The following TBC1D15 variants were observed in gnomAD, a reference collection of about 807,000 sequenced individuals.
The protein encoded by TBC1D15 is TBC1 domain family member 15.
Under a neutral mutation model 95.4 loss-of-function variants are expected in TBC1D15, and 39 were observed. The ratio of observed to expected loss-of-function variants is 0.41; its 90% CI spans 0.32 to 0.53. The LOEUF is 0.53. Ranked by LOEUF, TBC1D15 falls within the 20% of genes least tolerant of loss-of-function variation. TBC1D15 has a pLI of 0.29. For synonymous variants in TBC1D15, 258 were observed against 261.3 expected (o/e 0.99, Z 0.12); for missense variants, 733 against 794.3 (o/e 0.92, Z 0.93).
intron 16 of TBC1D15, among the ~76,000 whole-genome samples, chr12:71,922,416 G>T (rs1298498697): frequency 6.6e-6 from 1 of 151,610 alleles, no homozygotes; most frequent in Non-Finnish European, 1.5e-5. Flanking sequence ...GATACTTCAA[G>T]TTCTAGGGTA....
At position 71,872,069 on chromosome 12, in the gene TBC1D15, G is replaced by T; in HGVS notation, c.31-1G>T. 6.9e-7 allele frequency: 1 copy of T among 1,447,722 alleles called. No homozygotes were observed. 89.7% of individuals were successfully genotyped at this position (1,447,722 alleles called of 1,614,324 possible). On this transcript the variant is annotated splice_acceptor_variant, in intron 1 of 16. Coordinates refer to ENST00000485960, the MANE Select transcript of TBC1D15 (RefSeq NM_001146213.3). LOFTEE classifies it high-confidence loss of function. ...GACTAACTTTATTTTTGCTGTTTTA[G>T]ATTATATATGAACAAGAAGGAGTAT... is the stretch of plus-strand genomic sequence containing the variant.
chr12:71,882,421 C>G (rs1373768662), intron 4 of TBC1D15, among the ~76,000 whole-genome samples: 1 of 152,130 alleles, frequency 6.6e-6, no homozygotes, highest in African/African-American at 2.4e-5. Context: ...CTGAACTGTT[C>G]TGCTCTTACA....
chr12:71,912,949 A>G (rs1173917711), intron 11 of TBC1D15, among the ~76,000 whole-genome samples: 1 of 152,116 alleles, frequency 6.6e-6, no homozygotes, highest in Non-Finnish European at 1.5e-5. Context: ...AACAAGGATA[A>G]TTGAGGGTTT....
rs146506544 is a variant in TBC1D15, at chr12:71,893,181, A to C, written c.555-41A>C. ...TAATTGTTCATGTAGTAATTGATAC[A>C]GTGTGTTAGTATTTTCTACAAATCC... On this transcript the variant is annotated intron_variant, in intron 5 of 16. Transcript: ENST00000485960. The C allele has an allele frequency of 2.9e-3, 3,534 of 1,200,756 alleles. 87 individuals carry two copies. In the African/African-American group the frequency reaches 0.05, roughly 17 times the overall value. The allele number at this position is 1,200,756 out of a possible 1,614,324, so 74.4% of individuals were successfully genotyped here. A position where few individuals can be genotyped will look rare whatever the true frequency, so the allele number is the denominator to read the frequency against.
chr12:71,841,444 A>G (rs1172045510), intron 1 of TBC1D15, among the ~76,000 whole-genome samples: 2 of 152,206 alleles, frequency 1.3e-5, no homozygotes, highest in Non-Finnish European at 2.9e-5. Context: ...TTTCCATGCC[A>G]AAAGCTGCTC....
Position 71,918,530 on chromosome 12 carries a change from T to C in TBC1D15, c.1581T>C (p.Asp527=). Residue 527 remains aspartate, a synonymous_variant, in exon 14 of 17, where the codon GAT becomes GAC. Transcript: ENST00000485960. Reference sequence around the variant, plus strand: ...TCAAAAGGGAATTTAGTTTTCTAGATATTCTTCGATTATGGGAGGTAAGTC... The same window carrying C: ...TCAAAAGGGAATTTAGTTTTCTAGACATTCTTCGATTATGGGAGGTAAGTC... ...IRFKREFSFL[D]ILRLWEVMWT... 1 of 1,597,892 alleles carries C rather than the reference T, an allele frequency of 6.3e-7. No individual in the cohort carries two copies. Among genetic ancestry groups the C allele is most frequent in the Non-Finnish European group, 8.5e-7 (1 of 1,171,070 alleles).
At chr12:71,864,631 C>T (rs572447596) in intron 1 of TBC1D15, among the ~76,000 whole-genome samples, 98 of 151,816 alleles carry the variant, frequency 6.5e-4, no homozygotes, top group Non-Finnish European at 1.2e-3. Flanking sequence ...CTCAGCCTCC[C>T]GGGTAGCTGG....
intron 1 of TBC1D15, among the ~76,000 whole-genome samples, chr12:71,844,298 CT>C (rs1263035466): frequency 6.6e-6 from 1 of 152,196 alleles, no homozygotes; most frequent in East Asian, 1.9e-4. Flanking sequence ...CTCCTAAATT[CT>C]TTAGCATGGC....
At chr12:71,861,357 C>A in intron 1 of TBC1D15, 1 of 1,049,604 alleles carries the variant, frequency 9.5e-7, no homozygotes, top group Non-Finnish European at 1.3e-6. Flanking sequence ...TAATGGGAGA[C>A]TTTTCATTAC....
At chr12:71,898,992 G>C (rs559970696) in intron 10 of TBC1D15, among the ~76,000 whole-genome samples, 7 of 152,254 alleles carry the variant, frequency 4.6e-5, no homozygotes, top group African/African-American at 1.4e-4. Context: ...TTAATCTAAA[G>C]TTTCTAACTG....
At position 71,873,365 on chromosome 12, in the gene TBC1D15, A is replaced by G. The variant is rs537445052; in HGVS notation, c.204+362A>G. 1.3e-3 allele frequency among the ~76,000 whole-genome samples: 201 copies of G among 152,248 alleles called. 1 individual carries two copies. Among genetic ancestry groups the G allele is most frequent in the Non-Finnish European group, 1.3e-3 (91 of 67,996 alleles). ...TCGTTCACTTTGCATAAGGTTTTCA[A>G]GGTTCATCTGTGTTACATAGCATGT... On this transcript the variant is annotated intron_variant, in intron 3 of 16. Transcript: ENST00000485960.
chr12:71,858,803 C>T (rs548918249), intron 1 of TBC1D15, among the ~76,000 whole-genome samples: 3 of 152,088 alleles, frequency 2.0e-5, no homozygotes, highest in East Asian at 3.9e-4. Flanking sequence ...GCCATCTGTC[C>T]GCCTTGGTCT....
chr12:71,849,441 G>A, intron 1 of TBC1D15: 1 of 1,090,390 alleles, frequency 9.2e-7, no homozygotes, highest in Non-Finnish European at 1.4e-6. Flanking sequence ...CACTCCATGG[G>A]CCTCTTCAAG....
chr12:71,875,480 T>C (rs1005493284), intron 3 of TBC1D15, among the ~76,000 whole-genome samples: 37 of 152,260 alleles, frequency 2.4e-4, no homozygotes, highest in African/African-American at 8.4e-4. Flanking sequence ...GAAGATGTAC[T>C]GCTGTTCTTC....
chr12:71,878,204 T>C (rs986171122), intron 3 of TBC1D15, among the ~76,000 whole-genome samples: 2 of 152,238 alleles, frequency 1.3e-5, no homozygotes, highest in Admixed American at 1.3e-4. Flanking sequence ...TTTCAGTTAA[T>C]TCTCCTGATT....
Position 71,921,387 on chromosome 12 carries a change from T to G in TBC1D15, c.1736T>G (p.Met579Arg), listed in dbSNP as rs777991523. 10 of 1,561,526 alleles carry G rather than the reference T, an allele frequency of 6.4e-6. No individual in the cohort carries two copies. Among genetic ancestry groups the G allele is most frequent in the Non-Finnish European group, 8.7e-6 (10 of 1,149,034 alleles). Residue 579 changes from methionine (M) to arginine (R), a missense_variant, in exon 16 of 17, where the codon ATG becomes AGG. Coordinates refer to ENST00000485960, the MANE Select transcript of TBC1D15 (RefSeq NM_001146213.3). ...TTTTAGCATATCAATGAATTGTCCA[T>G]GAAAATTGATGTGGAAGATATACTC... is the stretch of plus-strand genomic sequence containing the variant. Reference protein sequence around the residue: ...EILKHINELSMKIDVEDILCK... With the variant: ...EILKHINELSRKIDVEDILCK...
intron 9 of TBC1D15, 130 bp downstream of exon 9, chr12:71,896,910 T>A: frequency 1.7e-6 from 1 of 595,758 alleles, no homozygotes; most frequent in Non-Finnish European, 2.8e-6. Flanking sequence ...TTTTATGTTT[T>A]AACTTAAAAA....
chr12:71,917,680 A>T lies in TBC1D15; in HGVS notation c.1402-18A>T. 6.6e-7 allele frequency: 1 copy of T among 1,523,548 alleles called. No homozygotes were observed. Among genetic ancestry groups the T allele is most frequent in the Non-Finnish European group, 9.1e-7 (1 of 1,102,708 alleles). 94.4% of individuals were successfully genotyped at this position (1,523,548 alleles called of 1,614,324 possible). On this transcript the variant is annotated intron_variant, in intron 12 of 16. Transcript: ENST00000485960. The stretch of plus-strand genomic sequence containing the variant: ...ATATTTATTAAATATTACTTGTAAC[A>T]ATTATTTCCTTTTAAAGCATCAGAA...
chr12:71,915,449 A>T (rs1453365676), intron 12 of TBC1D15, among the ~76,000 whole-genome samples: 2 of 53,758 alleles, frequency 3.7e-5, no homozygotes, highest in South Asian at 8.6e-4. Flanking sequence ...TAGATATTCT[A>T]AAAAAAAAAA....
Sources: gnomAD v4.1 joint callset for allele counts (sites outside exome capture counted in the v4.1 genomes callset) on GRCh38, gnomAD v4.1.1 for gene constraint, MANE v1.5 for transcripts, NCBI Gene and HGNC (gene_info 2026-07-23, HGNC 2026-07-21) for gene names.